The following JMJD7 variants were observed in gnomAD, a reference collection of about 807,000 sequenced individuals.
JMJD7 encodes bifunctional peptidase and (3S)-lysyl hydroxylase JMJD7.
In JMJD7, 41 loss-of-function variants were observed where a neutral mutation model predicts 41.1. The ratio of observed to expected loss-of-function variants is 1.00; its 90% CI spans 0.78 to 1.30. JMJD7 has a LOEUF of 1.30. Ranked by LOEUF, JMJD7 falls within the 50% of genes most tolerant of loss-of-function variation. JMJD7 has a pLI of 0.00. For synonymous variants in JMJD7, 202 were observed against 177.2 expected (o/e 1.14, Z -1.11); for missense variants, 480 against 420.7 (o/e 1.14, Z -1.23).
At chr15:41,829,175 G>C (rs1385928299) in intron 1 of JMJD7, 1 of 152,262 alleles carries the variant, frequency 6.6e-6, no homozygotes, top group Non-Finnish European at 1.5e-5. Flanking sequence ...GTACATTGTA[G>C]AGTAGAAGAA....
chr15:41,836,824 G>A lies in JMJD7; in HGVS notation c.746G>A (p.Arg249Gln), dbSNP rs775673685. Residue 249 changes from arginine to glutamine, a missense_variant, in exon 7 of 8, where the codon CGG becomes CAG. By Grantham distance (43) the Arg-to-Gln change is conservative. Transcript: ENST00000397299. ...GACCCCTTGGCGCCAGACCTAGCACGGTACCCTAGTTACAGTCAGGCCCAG... is the reference window on the plus strand; with the variant it reads ...GACCCCTTGGCGCCAGACCTAGCACAGTACCCTAGTTACAGTCAGGCCCAG... ...PLDPLAPDLARYPSYSQAQAL... is the reference protein window; with the variant it reads ...PLDPLAPDLAQYPSYSQAQAL... 9.3e-6 allele frequency: 15 copies of A among 1,612,372 alleles called. No individual in the cohort carries two copies. The highest frequency in any genetic ancestry group is 3.3e-4 in the Middle Eastern group (2 of 6,076).
At position 41,836,566 on chromosome 15, in the gene JMJD7, C is replaced by G; in HGVS notation, c.702+15C>G. On this transcript the variant is annotated intron_variant, in intron 6 of 7. Transcript: ENST00000397299. ...CCATGGAGAAGGTGTCTGTCCTGTT[C>G]TTGGGCTCTAGGGAGGGAGAAGGGC... 6.4e-7 allele frequency: 1 copy of G among 1,558,550 alleles called. No homozygotes were observed. Among genetic ancestry groups the G allele is most frequent in the Non-Finnish European group, 8.7e-7 (1 of 1,151,920 alleles).
At chr15:41,828,508 T>G in intron 1 of JMJD7, 1 of 273,910 alleles carries the variant, frequency 3.7e-6, no homozygotes, top group Non-Finnish European at 6.8e-6. Flanking sequence ...GGTGGTCGGA[T>G]TCCTCCCCCA....
intron 1 of JMJD7, among the ~76,000 whole-genome samples, chr15:41,833,708 C>T (rs1382408501): frequency 6.6e-6 from 1 of 151,932 alleles, no homozygotes; most frequent in Admixed American, 6.6e-5. Context: ...ACATGAGCCA[C>T]CACGTCTAGC....
At chr15:41,830,434 G>T (rs1254087516) in intron 1 of JMJD7, among the ~76,000 whole-genome samples, 1 of 152,262 alleles carries the variant, frequency 6.6e-6, no homozygotes, top group Non-Finnish European at 1.5e-5. Context: ...AGGAGAGGCA[G>T]CTGGGGCCAC....
Position 41,834,865 on chromosome 15 carries a change from C to G in JMJD7, c.190C>G (p.Leu64Val), listed in dbSNP as rs1280704114. Reference protein sequence around the residue: ...IRNALQHWPALQKWSLPYFRA... With the variant: ...IRNALQHWPAVQKWSLPYFRA... ...CAACGCTCTGCAGCACTGGCCGGCCCTCCAGAAGTGGTCCCTCCCCTATTT... is the reference window on the plus strand; with the variant it reads ...CAACGCTCTGCAGCACTGGCCGGCCGTCCAGAAGTGGTCCCTCCCCTATTT... Residue 64 changes from leucine to valine, a missense_variant, in exon 2 of 8, where the codon CTC (leucine) becomes GTC (valine). Leu to Val is a conservative substitution (Grantham distance 32). Transcript: ENST00000397299. The G allele has an allele frequency of 6.2e-7, 1 of 1,614,210 alleles. No homozygotes were observed. Among genetic ancestry groups the G allele is most frequent in the Non-Finnish European group, 8.5e-7 (1 of 1,180,012 alleles).
Position 41,836,513 on chromosome 15 carries a change from G to A in JMJD7, c.664G>A (p.Gly222Ser). Reference protein sequence around the residue: ...TPATYQLTEEGTFKVVDEEAM... With the variant: ...TPATYQLTEESTFKVVDEEAM... Reference sequence around the variant, plus strand: ...GGCAACCTACCAGCTAACTGAAGAGGGCACCTTTAAGGTGGTGGATGAAGA... The same window carrying A: ...GGCAACCTACCAGCTAACTGAAGAGAGCACCTTTAAGGTGGTGGATGAAGA... The change falls in exon 6 of 8, where the codon GGC becomes AGC. Residue 222 changes from glycine (G) to serine (S), a missense_variant. Coordinates refer to ENST00000397299, the MANE Select transcript of JMJD7 (RefSeq NM_001114632.2). 1 of 1,593,202 alleles carries A rather than the reference G, an allele frequency of 6.3e-7. No homozygotes were observed.
chr15:41,836,706 G>C (rs1265328405), intron 6 of JMJD7, 75 bp from the exon 7 acceptor site: 6 of 1,506,040 alleles, frequency 4.0e-6, no homozygotes, highest in Admixed American at 2.2e-5. Flanking sequence ...CTGTGGTGTT[G>C]ACCTTTGGAA....
Position 41,836,457 on chromosome 15 carries a change from T to G in JMJD7, c.626-18T>G, listed in dbSNP as rs1260555118. 1.2e-5 allele frequency: 19 copies of G among 1,569,822 alleles called. No homozygotes were observed. The East Asian group carries it at 4.4e-4, about 36-fold the overall frequency. On this transcript the variant is annotated intron_variant, in intron 5 of 7. Transcript: ENST00000397299. ...GGCTGTTTGCAATTCCCCCACACCC[T>G]TCTCCCTTGGGCTCCAGAGCTGTAC...
intron 1 of JMJD7, among the ~76,000 whole-genome samples, chr15:41,831,150 A>G (rs2065224764): frequency 6.6e-6 from 1 of 152,148 alleles, no homozygotes; most frequent in Admixed American, 6.5e-5. Context: ...GAGACCCATA[A>G]AAAGCCCCTG....
rs1247678648 is a variant in JMJD7, at chr15:41,837,217, C to G, written c.*61C>G. 1.9e-5 allele frequency: 23 copies of G among 1,210,458 alleles called. No individual in the cohort carries two copies. Among genetic ancestry groups the G allele is most frequent in the South Asian group, 2.6e-5 (2 of 77,592 alleles). 75.0% of individuals were successfully genotyped at this position (1,210,458 alleles called of 1,614,324 possible). On this transcript the variant is annotated 3_prime_UTR_variant, in exon 8 of 8. Coordinates refer to ENST00000397299, the MANE Select transcript of JMJD7 (RefSeq NM_001114632.2). ...GGGACGGAGCCAGCCCCTCCCTGGC[C>G]AGGTCAATTCTCGAGAGAGCCTGGA...
At chr15:41,830,945 A>C (rs2065221138) in intron 1 of JMJD7, among the ~76,000 whole-genome samples, 1 of 152,182 alleles carries the variant, frequency 6.6e-6, no homozygotes, top group Non-Finnish European at 1.5e-5. Flanking sequence ...GGGTGCCGTG[A>C]ATGGTGGCAA....
Position 41,834,978 on chromosome 15 carries a change from TG to T in JMJD7, c.230del (p.Gly77AlafsTer5). The T allele has an allele frequency of 6.2e-7, 1 of 1,614,120 alleles. No individual in the cohort carries two copies. Among genetic ancestry groups the T allele is most frequent in the Non-Finnish European group, 8.5e-7 (1 of 1,180,034 alleles). On this transcript the variant is annotated frameshift_variant, in exon 3 of 8. Transcript: ENST00000397299. LOFTEE classifies it high-confidence loss of function. ...KWSLPYFRATVGSTEVSVAVT... is the reference protein window; with the variant it reads ...KWSLPYFRATXGSTEVSVAVT... ...AGTGTCCATTCCTCTAGAGCCACAG[TG>T]GGCTCCACAGAGGTGAGTGTGGCCG... is the stretch of plus-strand genomic sequence containing the variant.
At chr15:41,831,630 A>C (rs1567164041) in intron 1 of JMJD7, among the ~76,000 whole-genome samples, 1 of 152,010 alleles carries the variant, frequency 6.6e-6, no homozygotes. Flanking sequence ...TGAGCTGAAC[A>C]CTCAACAGGA....
chr15:41,835,279 G>T lies in JMJD7; in HGVS notation c.472+56G>T. The T allele has an allele frequency of 1.9e-6, 3 of 1,552,368 alleles. No homozygotes were observed. The Admixed American group carries it at 5.7e-5, about 29-fold the overall frequency. Reference sequence around the variant, plus strand: ...GACAGGGAAGATATGGGAAGGAGGGGGGTCAGCCTGTTTGCCCTTAGGTGA... The same window carrying T: ...GACAGGGAAGATATGGGAAGGAGGGTGGTCAGCCTGTTTGCCCTTAGGTGA... On this transcript the variant is annotated intron_variant, in intron 3 of 7. Transcript: ENST00000397299.
At chr15:41,835,882 G>T (rs1410441375) in intron 4 of JMJD7, among the ~76,000 whole-genome samples, 1 of 152,182 alleles carries the variant, frequency 6.6e-6, no homozygotes, top group African/African-American at 2.4e-5. Flanking sequence ...AAACCTCCCT[G>T]AAGGCCCGCT....
intron 1 of JMJD7, among the ~76,000 whole-genome samples, chr15:41,828,903 C>T (rs982466946): frequency 6.6e-6 from 1 of 152,218 alleles, no homozygotes. Flanking sequence ...CATTCCTCTA[C>T]CTCAGTCTTT....
At position 41,836,918 on chromosome 15, in the gene JMJD7, G is replaced by T; in HGVS notation, c.840G>T (p.Gln280His). The change falls in exon 7 of 8, where the codon CAG (glutamine) becomes CAT (histidine). Residue 280 changes from glutamine (Q) to histidine (H), a missense_variant. By Grantham distance (24) the Gln-to-His change is conservative (BLOSUM62 0). Transcript: ENST00000397299. ...CGGCTCTGTGGTTCCACCACGTCCA[G>T]CAGTCCCAGGGCTGCATCGCAGGTG... is the stretch of plus-strand genomic sequence containing the variant. ...YLPALWFHHV[Q>H]QSQGCIAVNF... 2 of 1,613,414 alleles carry T rather than the reference G, an allele frequency of 1.2e-6. No individual in the cohort carries two copies. The highest frequency in any genetic ancestry group is 1.7e-6 in the Non-Finnish European group (2 of 1,179,668).
rs2065342815 is a variant in JMJD7, at chr15:41,837,446, T to C, written c.*290T>C. On this transcript the variant is annotated 3_prime_UTR_variant, in exon 8 of 8. Coordinates refer to ENST00000397299, the MANE Select transcript of JMJD7 (RefSeq NM_001114632.2). The stretch of plus-strand genomic sequence containing the variant: ...GTGATGTTGGGCGAGTCACTGCGTC[T>C]CGGGCATTGGTGTCCTGTCAGTAAA... 1 of 484,964 alleles carries C rather than the reference T, an allele frequency of 2.1e-6. No homozygotes were observed. The highest frequency in any genetic ancestry group is 1.9e-5 in the African/African-American group (1 of 51,338). The allele number at this position is 484,964 out of a possible 1,614,324, so 30.0% of individuals were successfully genotyped here.
Sources: allele counts gnomAD v4.1 joint callset (sites outside exome capture counted in the v4.1 genomes callset), GRCh38; gene constraint gnomAD v4.1.1; transcripts MANE v1.5; gene names NCBI Gene and HGNC (gene_info 2026-07-23, HGNC 2026-07-21).